Variants in FAM185A observed in about 807,000 individuals in gnomAD.
The protein encoded by FAM185A is family with sequence similarity 185 member A.
In FAM185A, 21 loss-of-function variants were observed where a neutral mutation model predicts 45.7. That is an observed-to-expected ratio of 0.46 (90% CI 0.33 to 0.66). The LOEUF (loss-of-function observed/expected upper bound fraction) is 0.66. FAM185A is among the 30% of genes least tolerant of loss of function. FAM185A has a pLI of 0.03. For synonymous variants in FAM185A, 117 were observed against 194.0 expected, an observed-to-expected ratio of 0.60 and a Z score of 3.30; for missense variants, 305 against 485.4, an observed-to-expected ratio of 0.63 and a Z score of 3.49.
chr7:102,837,195 G>A, the FAM185A span, among the ~76,000 whole-genome samples: 19 of 152,270 alleles, frequency 1.2e-4, no homozygotes, highest in African/African-American at 4.6e-4. Flanking sequence ...AGAGCAAGTG[G>A]GACTGGTCAT....
the FAM185A span, among the ~76,000 whole-genome samples, chr7:102,850,192 G>A: frequency 6.6e-6 from 1 of 151,972 alleles, no homozygotes; most frequent in African/African-American, 2.4e-5. Context: ...CAATCTCAGA[G>A]CACCTAAAAA....
At chr7:102,832,836 ATACC>A in the FAM185A span, 1 of 1,614,180 alleles carries the variant, frequency 6.2e-7, no homozygotes, top group Non-Finnish European at 8.5e-7. Context: ...ACTCCTGCAC[ATACC>A]TTTGGACAGC....
At chr7:102,810,077 C>T (rs754403696), downstream of FAM185A, among the ~76,000 whole-genome samples, 18 of 152,110 alleles carry the variant, frequency 1.2e-4, no homozygotes, top group East Asian at 7.7e-4. Context: ...GAGGCCCGTG[C>T]GATGCTTTCA....
chr7:102,821,506 A>G, the FAM185A span, among the ~76,000 whole-genome samples: 1 of 152,226 alleles, frequency 6.6e-6, no homozygotes, highest in East Asian at 1.9e-4. Flanking sequence ...TGCTTGAGCC[A>G]CATTGTACAC....
At chr7:102,768,826 C>T (rs1391162531) in intron 4 of FAM185A, among the ~76,000 whole-genome samples, 3 of 151,990 alleles carry the variant, frequency 2.0e-5, no homozygotes, top group African/African-American at 7.2e-5. Flanking sequence ...ATAGTTATTA[C>T]AGACCATCTG....
intron 3 of FAM185A, among the ~76,000 whole-genome samples, chr7:102,760,008 T>C (rs1475422252): frequency 2.6e-5 from 4 of 152,092 alleles, no homozygotes; most frequent in Non-Finnish European, 5.9e-5. Flanking sequence ...CTATAAATAA[T>C]AGCATCATTA....
chr7:102,843,729 T>C, the FAM185A span, among the ~76,000 whole-genome samples: 1 of 152,062 alleles, frequency 6.6e-6, no homozygotes, highest in Admixed American at 6.5e-5. Flanking sequence ...TGAGCCAAGA[T>C]CGCGCCACTG....
intron 2 of FAM185A, among the ~76,000 whole-genome samples, chr7:102,753,913 G>T (rs1269186627): frequency 6.6e-6 from 1 of 152,020 alleles, no homozygotes; most frequent in Non-Finnish European, 1.5e-5. Flanking sequence ...AGAAATAACA[G>T]AAATCATGAA....
In FAM185A at chr7:102,787,389, G is replaced by T; in HGVS notation, c.986G>T (p.Gly329Val). Residue 329 changes from glycine to valine, a missense_variant, in exon 7 of 8, where the codon GGG becomes GTG. Gly to Val is a moderately radical substitution (Grantham distance 109). This residue lies in a region of FAM185A where 66 missense variants were observed against 74.6 expected (regional missense o/e 0.89). Transcript: ENST00000413034. ...CTTCAAGCTCATTTACAGTTATCAG[G>T]GAAAGAGGTTGATGTGAACTCAGAA... is the stretch of plus-strand genomic sequence containing the variant. ...SSLQAHLQLS[G>V]KEVDVNSEVH... The T allele has an allele frequency of 3.3e-6, 5 of 1,534,218 alleles. No homozygotes were observed. The highest frequency in any genetic ancestry group is 4.4e-6 in the Non-Finnish European group (5 of 1,135,004).
chr7:102,814,022 C>A (rs549773724), downstream of FAM185A, among the ~76,000 whole-genome samples: 5 of 152,194 alleles, frequency 3.3e-5, no homozygotes, highest in East Asian at 9.7e-4. Context: ...CTATAATACA[C>A]ATTTTTATGA....
At chr7:102,805,094 A>G (rs1479966910) in intron 7 of FAM185A, among the ~76,000 whole-genome samples, 1 of 152,222 alleles carries the variant, frequency 6.6e-6, no homozygotes, top group Non-Finnish European at 1.5e-5. Flanking sequence ...TATGTAAACT[A>G]GTACAACCAC....
chr7:102,807,824 C>T (rs998603287), intron 7 of FAM185A, among the ~76,000 whole-genome samples: 2 of 151,772 alleles, frequency 1.3e-5, no homozygotes, highest in Non-Finnish European at 2.9e-5. Context: ...TTTGGGAGGC[C>T]AAGGTGGGTG....
At chr7:102,811,988 T>C (rs1196612797), downstream of FAM185A, among the ~76,000 whole-genome samples, 1 of 152,212 alleles carries the variant, frequency 6.6e-6, no homozygotes, top group Non-Finnish European at 1.5e-5. Context: ...TTTTAAAACT[T>C]TTCAAAATAA....
At chr7:102,782,686 C>G (rs1477708652) in intron 6 of FAM185A, among the ~76,000 whole-genome samples, 1 of 152,172 alleles carries the variant, frequency 6.6e-6, no homozygotes, top group East Asian at 1.9e-4. Context: ...GTACCAGCCA[C>G]TGCAAAAACA....
At chr7:102,798,417 A>G (rs561096636) in intron 7 of FAM185A, among the ~76,000 whole-genome samples, 75 of 152,352 alleles carry the variant, frequency 4.9e-4, no homozygotes, top group African/African-American at 1.7e-3. Flanking sequence ...GGAATTTTAT[A>G]AACTGTCCTC....
downstream of FAM185A, among the ~76,000 whole-genome samples, chr7:102,812,572 A>T (rs1280251266): frequency 1.3e-5 from 2 of 152,174 alleles, no homozygotes; most frequent in Admixed American, 1.3e-4. Context: ...TTCCTTTGAA[A>T]ATATTAATAT....
intron 6 of FAM185A, among the ~76,000 whole-genome samples, chr7:102,778,349 C>G (rs1295113414): frequency 4.6e-5 from 7 of 152,230 alleles, no homozygotes; most frequent in Non-Finnish European, 8.8e-5. Context: ...CTAAGAGCTT[C>G]AGGTAATACT....
At chr7:102,765,388 T>C (rs1198611091) in intron 4 of FAM185A, among the ~76,000 whole-genome samples, 1 of 152,136 alleles carries the variant, frequency 6.6e-6, no homozygotes, top group Non-Finnish European at 1.5e-5. Flanking sequence ...ACTCCTTCCA[T>C]AAAAGTGATG....
At chr7:102,834,095 AAAG>A in the FAM185A span, among the ~76,000 whole-genome samples, 2,506 of 94,498 alleles carry the variant, frequency 0.027, 78 homozygotes, top group African/African-American at 0.071. Context: ...GAAAAGAAAG[AAAG>A]AAAGAAAGAA....
Sources: gnomAD v4.1 joint callset for allele counts (sites outside exome capture counted in the v4.1 genomes callset) on GRCh38, gnomAD v4.1.1 for gene constraint, gnomAD v4.1.1 regional missense constraint, MANE v1.5 for transcripts, NCBI Gene and HGNC (gene_info 2026-07-23, HGNC 2026-07-21) for gene names.